ERBIN: variants seen among roughly 807,000 people sequenced by gnomAD.
ERBIN encodes erbb2 interacting protein.
ERBIN carries 60 observed loss-of-function variants against 158.4 expected under a neutral mutation model. That is an observed-to-expected ratio of 0.38 (90% CI 0.31 to 0.47). The LOEUF (loss-of-function observed/expected upper bound fraction) is 0.47. Ranked by LOEUF, ERBIN falls within the 20% of genes least tolerant of loss-of-function variation. The probability of loss-of-function intolerance (pLI) is 0.99; values close to 1 mark genes in which losing one functional copy is unlikely to be tolerated. For missense variants in ERBIN, 1,610 were observed against 1,648.0 expected (o/e 0.98, Z 0.40); for synonymous variants, 594 against 557.2 (o/e 1.07, Z -0.93).
chr5:66,061,447 G>T (rs1387050152), intron 21 of ERBIN, among the ~76,000 whole-genome samples: 2 of 152,166 alleles, frequency 1.3e-5, no homozygotes, highest in Non-Finnish European at 2.9e-5. Context: ...CCTTGCATGT[G>T]AGATGGGTTT....
At chr5:65,945,571 C>T (rs997182972) in intron 1 of ERBIN, among the ~76,000 whole-genome samples, 4 of 152,136 alleles carry the variant, frequency 2.6e-5, no homozygotes, top group African/African-American at 7.2e-5. Flanking sequence ...CCTCCTCTCT[C>T]GAATAGTGGC....
At chr5:66,015,707 T>A (rs1204341614) in intron 7 of ERBIN, among the ~76,000 whole-genome samples, 4 of 152,194 alleles carry the variant, frequency 2.6e-5, no homozygotes, top group East Asian at 1.9e-4. Context: ...CACAGCAGCA[T>A]GTAACTATAG....
intron 1 of ERBIN, among the ~76,000 whole-genome samples, chr5:65,959,402 AAC>A (rs1435150059): frequency 2.6e-5 from 4 of 152,294 alleles, no homozygotes; most frequent in East Asian, 1.9e-4. Context: ...AACTTTTAAA[AAC>A]ACAGTTGATA....
intron 8 of ERBIN, among the ~76,000 whole-genome samples, chr5:66,022,445 T>C (rs1755803040): frequency 6.6e-6 from 1 of 152,194 alleles, no homozygotes; most frequent in African/African-American, 2.4e-5. Context: ...CCAAGTTACA[T>C]CTGGGATTCT....
In ERBIN at chr5:65,949,245, A is replaced by G. The variant is rs929638657; in HGVS notation, c.-58+22439A>G. On this transcript the variant is annotated intron_variant, in intron 1 of 25. Coordinates refer to ENST00000284037, the MANE Select transcript of ERBIN (RefSeq NM_001253697.2). ...GGTATAGATCTACTTCTGGCACTTG[A>G]TGCAAGTGCTTTGAAGACCCCTGAA... Among the ~76,000 whole-genome samples, 14 of 152,264 alleles carry G rather than the reference A, an allele frequency of 9.2e-5. No homozygotes were observed. The South Asian group carries it at 1.7e-3, about 18-fold the overall frequency.
chr5:65,980,427 C>CA (rs910874055), intron 1 of ERBIN, among the ~76,000 whole-genome samples: 25 of 150,408 alleles, frequency 1.7e-4, no homozygotes, highest in African/African-American at 4.4e-4. Context: ...GACTCCGTCT[C>CA]AAAAAAAACA....
chr5:65,997,627 A>G (rs1752574267), intron 4 of ERBIN, among the ~76,000 whole-genome samples: 1 of 152,216 alleles, frequency 6.6e-6, no homozygotes, highest in Non-Finnish European at 1.5e-5. Context: ...TAGGACTTTC[A>G]CTAAACGCTA....
intron 2 of ERBIN, among the ~76,000 whole-genome samples, chr5:65,991,825 C>G (rs1461670041): frequency 2.0e-5 from 3 of 152,132 alleles, no homozygotes; most frequent in Non-Finnish European, 2.9e-5. Context: ...AGTGTGTAAC[C>G]TTAAACACAT....
chr5:66,000,211 A>G (rs1561355087), intron 4 of ERBIN, among the ~76,000 whole-genome samples: 1 of 152,196 alleles, frequency 6.6e-6, no homozygotes, highest in African/African-American at 2.4e-5. Flanking sequence ...ATCAGTCTTT[A>G]TGGTATAGAA....
At chr5:65,947,430 G>T (rs1202950940) in intron 1 of ERBIN, among the ~76,000 whole-genome samples, 6 of 152,026 alleles carry the variant, frequency 3.9e-5, no homozygotes, top group Admixed American at 3.9e-4. Flanking sequence ...TTTAAAATAG[G>T]ATCCCTGTAT....
intron 1 of ERBIN, among the ~76,000 whole-genome samples, chr5:65,983,677 T>TTGCA (rs1265446301): frequency 6.6e-6 from 1 of 152,236 alleles, no homozygotes; most frequent in Non-Finnish European, 1.5e-5. Flanking sequence ...AAATGAAATA[T>TTGCA]TGCACCACAT....
At chr5:65,987,679 C>T (rs1268092878) in intron 1 of ERBIN, among the ~76,000 whole-genome samples, 4 of 151,908 alleles carry the variant, frequency 2.6e-5, no homozygotes, top group African/African-American at 4.8e-5. Flanking sequence ...ATGGCAAAAC[C>T]CCGTCTCTCT....
At chr5:65,965,365 C>T (rs1208846069) in intron 1 of ERBIN, among the ~76,000 whole-genome samples, 3 of 138,782 alleles carry the variant, frequency 2.2e-5, no homozygotes, top group South Asian at 4.4e-4. Flanking sequence ...CTGTTCTTAC[C>T]AGATTTGTTT....
At chr5:65,961,261 A>G (rs915041440) in intron 1 of ERBIN, 1 of 152,200 alleles carries the variant, frequency 6.6e-6, no homozygotes. Flanking sequence ...TTCTGGCACT[A>G]TAGTCTCACC....
At chr5:65,982,874 ACTTT>A (rs560689817) in intron 1 of ERBIN, among the ~76,000 whole-genome samples, 169 of 152,322 alleles carry the variant, frequency 1.1e-3, no homozygotes, top group Non-Finnish European at 2.1e-3. Flanking sequence ...ACACAAATGT[ACTTT>A]TATTCAGGAC....
At chr5:65,966,367 T>G (rs1193672112) in intron 1 of ERBIN, among the ~76,000 whole-genome samples, 2 of 152,140 alleles carry the variant, frequency 1.3e-5, no homozygotes, top group Non-Finnish European at 2.9e-5. Flanking sequence ...ACTTTTATTA[T>G]CTTTGAGTGT....
At chr5:66,027,375 TTAGGTA>T (rs1052858044) in intron 13 of ERBIN, among the ~76,000 whole-genome samples, 2 of 152,030 alleles carry the variant, frequency 1.3e-5, no homozygotes, top group African/African-American at 2.4e-5. Flanking sequence ...GGAAGACTAG[TTAGGTA>T]TAAGATAGCA....
At chr5:65,947,314 C>T (rs991134429) in intron 1 of ERBIN, among the ~76,000 whole-genome samples, 5 of 152,156 alleles carry the variant, frequency 3.3e-5, no homozygotes, top group African/African-American at 1.2e-4. Flanking sequence ...ACTGCAACCT[C>T]CACCTTCCTG....
chr5:65,952,201 T>G (rs560556802), intron 1 of ERBIN, among the ~76,000 whole-genome samples: 1 of 151,954 alleles, frequency 6.6e-6, no homozygotes, highest in East Asian at 1.9e-4. Context: ...GCTTTTTTTT[T>G]CCCCCCAACT....
Sources: gnomAD v4.1 joint callset for allele counts (sites outside exome capture counted in the v4.1 genomes callset) on GRCh38, gnomAD v4.1.1 for gene constraint, MANE v1.5 for transcripts, NCBI Gene and HGNC (gene_info 2026-07-23, HGNC 2026-07-21) for gene names.